Variants in CACNA1B observed in about 807,000 individuals in gnomAD.
CACNA1B encodes calcium voltage-gated channel subunit alpha1 B, also known as voltage-dependent N-type calcium channel subunit alpha-1B.
CACNA1B carries 70 observed loss-of-function variants against 247.2 expected under a neutral mutation model. The ratio of observed to expected loss-of-function variants is 0.28; its 90% CI spans 0.23 to 0.35. CACNA1B has a LOEUF of 0.35. Among genes scored for constraint, CACNA1B ranks in the 10% least tolerant of loss-of-function variants. The pLI is 1.00. For missense variants in CACNA1B, 2,367 were observed against 3,197.4 expected (o/e 0.74, Z 6.26); for synonymous variants, 1,231 against 1,294.4 (o/e 0.95, Z 1.05).
intron 36 of CACNA1B, among the ~76,000 whole-genome samples, chr9:138,087,087 A>G (rs1589120443): frequency 6.6e-6 from 1 of 151,378 alleles, no homozygotes. Context: ...GAAATTAAGA[A>G]GGCAGTTTTA....
rs1960161065 is a variant in CACNA1B at position 138,072,341 on chromosome 9, G to A, written c.4675-1147G>A. Among the ~76,000 whole-genome samples the A allele has an allele frequency of 6.6e-6, 1 of 152,228 alleles. No individual in the cohort carries two copies. Among genetic ancestry groups the A allele is most frequent in the African/African-American group, 2.4e-5 (1 of 41,464 alleles). On this transcript the variant is annotated intron_variant, in intron 32 of 46. Transcript: ENST00000371372. This position sits in a 1 kb window ranked among gnomAD's most constrained non-coding sequence, Gnocchi z 4.5. Reference sequence around the variant, plus strand: ...TGGGCCACTGTCCCTGGAAGGAAGAGTGAGGCCCACCCCTCCACTGACACC... The same window carrying A: ...TGGGCCACTGTCCCTGGAAGGAAGAATGAGGCCCACCCCTCCACTGACACC...
chr9:138,112,018 T>G (rs945456230), intron 39 of CACNA1B, among the ~76,000 whole-genome samples: 1 of 152,172 alleles, frequency 6.6e-6, no homozygotes, highest in Non-Finnish European at 1.5e-5. Context: ...TTTTGAGAGT[T>G]TTTTGGTAAA....
At chr9:137,995,928 G>C (rs974374614) in intron 15 of CACNA1B, among the ~76,000 whole-genome samples, 2 of 152,208 alleles carry the variant, frequency 1.3e-5, no homozygotes, top group Non-Finnish European at 2.9e-5. Context: ...TAACATCACT[G>C]TCAGGGGAAT....
At chr9:138,120,545 C>A in intron 45 of CACNA1B, 86 bp from the exon 46 acceptor site, 1 of 1,425,098 alleles carries the variant, frequency 7.0e-7, no homozygotes, top group Non-Finnish European at 9.3e-7. Flanking sequence ...CCCCTGGCAC[C>A]ACCTGAATTC....
In CACNA1B at chr9:138,057,666, C is replaced by T. The variant is rs1959561418; in HGVS notation, c.3969-66C>T. 2.0e-6 allele frequency: 3 copies of T among 1,512,054 alleles called. No individual in the cohort carries two copies. The highest frequency in any genetic ancestry group is 1.4e-5 in the African/African-American group (1 of 73,332). 93.7% of individuals were successfully genotyped at this position (1,512,054 alleles called of 1,614,324 possible). A position where few individuals can be genotyped will look rare whatever the true frequency, so the allele number is the denominator to read the frequency against. On this transcript the variant is annotated intron_variant, in intron 26 of 46. Coordinates refer to ENST00000371372, the MANE Select transcript of CACNA1B (RefSeq NM_000718.4). This position sits in a 1 kb window ranked among gnomAD's most constrained non-coding sequence, Gnocchi z 4.0. ...TTCCCCACGGAATGGTTTCAACACT[C>T]TTGATAGGTGGGTTTATTTGGATCT... is the stretch of plus-strand genomic sequence containing the variant.
chr9:137,878,980 C>G, intron 1 of CACNA1B, 74 bp from the exon 2 acceptor site: 1 of 913,712 alleles, frequency 1.1e-6, no homozygotes, highest in Non-Finnish European at 1.7e-6. Flanking sequence ...GTGGCTGCTG[C>G]ACTGGGCTCT....
rs1468877062 is a variant in CACNA1B at position 137,971,529 on chromosome 9, C to A, written c.1480C>A (p.Leu494Met). ...CTGGGTGGTGCTGTGCGTGGTGGCCCTGAACACACTGTGTGTGGCCATGGT... is the reference window on the plus strand; with the variant it reads ...CTGGGTGGTGCTGTGCGTGGTGGCCATGAACACACTGTGTGTGGCCATGGT... ...FYWVVLCVVALNTLCVAMVHY... is the reference protein window; with the variant it reads ...FYWVVLCVVAMNTLCVAMVHY... The change falls in exon 11 of 47, where the codon CTG (leucine) becomes ATG (methionine). Residue 494 changes from leucine to methionine, a missense_variant. By Grantham distance (15) the Leu-to-Met change is conservative. Coordinates refer to ENST00000371372, the MANE Select transcript of CACNA1B (RefSeq NM_000718.4). The surrounding 1 kb of genome is among the most constrained non-coding windows in gnomAD (Gnocchi z 4.4). 1.2e-6 allele frequency: 2 copies of A among 1,613,666 alleles called. No homozygotes were observed. The highest frequency in any genetic ancestry group is 1.7e-6 in the Non-Finnish European group (2 of 1,179,820).
chr9:138,102,745 C>T lies in CACNA1B; in HGVS notation c.5257C>T (p.Leu1753=). 6.2e-7 allele frequency: 1 copy of T among 1,612,974 alleles called. No homozygotes were observed. Reference sequence around the variant, plus strand: ...CAGTTACAATGACATGTTTGAGATGCTGAAACACATGTCCCCGCCTCTGGG... The same window carrying T: ...CAGTTACAATGACATGTTTGAGATGTTGAAACACATGTCCCCGCCTCTGGG... ...RISYNDMFEM[L]KHMSPPLGLG... The change falls in exon 38 of 47, where the codon CTG becomes TTG. Residue 1753 remains leucine, a synonymous_variant. Coordinates refer to ENST00000371372, the MANE Select transcript of CACNA1B (RefSeq NM_000718.4). This position sits in a 1 kb window ranked among gnomAD's most constrained non-coding sequence, Gnocchi z 5.4.
intron 39 of CACNA1B, 100 bp downstream of exon 39, chr9:138,105,907 G>A (rs1961408838): frequency 7.1e-6 from 5 of 708,994 alleles, no homozygotes; most frequent in South Asian, 4.9e-5. Context: ...GAGGGTGAGG[G>A]GCCAGCTGTG....
chr9:138,024,421 G>A (rs1409796648), intron 19 of CACNA1B, among the ~76,000 whole-genome samples: 2 of 152,326 alleles, frequency 1.3e-5, no homozygotes, highest in Admixed American at 6.5e-5. Flanking sequence ...GCCGCTGGAG[G>A]CCCCAGCCCA....
chr9:137,957,700 G>GC lies in CACNA1B; in HGVS notation c.1333+13_1333+14insC. The stretch of plus-strand genomic sequence containing the variant: ...CTCTGTGCTGTTGGTGAGTCTCAGG[G>GC]TGTCCCTCCAGCTCTGCCAGGCTTG... On this transcript the variant is annotated intron_variant, in intron 10 of 46. Transcript: ENST00000371372. This position sits in a 1 kb window ranked among gnomAD's most constrained non-coding sequence, Gnocchi z 4.7. The GC allele has an allele frequency of 1.9e-6, 3 of 1,561,272 alleles. No homozygotes were observed. The highest frequency in any genetic ancestry group is 2.6e-6 in the Non-Finnish European group (3 of 1,149,030).
Position 138,114,522 on chromosome 9 carries a change from CT to C in CACNA1B, c.5649+33del, listed in dbSNP as rs749010606. 4 of 1,118,262 alleles carry C rather than the reference CT, an allele frequency of 3.6e-6. No homozygotes were observed. In the African/African-American group the frequency reaches 6.1e-5, roughly 17 times the overall value. 69.3% of individuals were successfully genotyped at this position (1,118,262 alleles called of 1,614,324 possible). Reference sequence around the variant, plus strand: ...GGCGGCCCTCAGTTTTCCAGGAAAACTGTGATGCCTCCGAGGCTCTGGCATC... The same window carrying C: ...GGCGGCCCTCAGTTTTCCAGGAAAACGTGATGCCTCCGAGGCTCTGGCATC... On this transcript the variant is annotated intron_variant, in intron 41 of 46. Transcript: ENST00000371372.
At chr9:138,108,979 T>C (rs1352797678) in intron 39 of CACNA1B, among the ~76,000 whole-genome samples, 1 of 152,218 alleles carries the variant, frequency 6.6e-6, no homozygotes, top group East Asian at 1.9e-4. Flanking sequence ...AAAGATAATA[T>C]ATGATGACAC....
intron 5 of CACNA1B, among the ~76,000 whole-genome samples, chr9:137,915,204 C>A (rs902779864): frequency 6.6e-6 from 1 of 152,126 alleles, no homozygotes; most frequent in Non-Finnish European, 1.5e-5. Context: ...GCCTATGGTG[C>A]GGAGCAGCGA....
At chr9:137,903,210 C>T (rs1039435314) in intron 3 of CACNA1B, among the ~76,000 whole-genome samples, 5 of 152,066 alleles carry the variant, frequency 3.3e-5, no homozygotes, top group African/African-American at 7.2e-5. Context: ...GGTGAAACCC[C>T]GTCTCTACTA....
chr9:137,935,098 T>C (rs1293055734), intron 6 of CACNA1B, among the ~76,000 whole-genome samples: 1 of 152,172 alleles, frequency 6.6e-6, no homozygotes, highest in African/African-American at 2.4e-5. Context: ...AATGAGGGGA[T>C]AAATTTTCTT....
At chr9:137,992,315 G>A (rs1174204639) in intron 15 of CACNA1B, among the ~76,000 whole-genome samples, 2 of 152,192 alleles carry the variant, frequency 1.3e-5, no homozygotes, top group East Asian at 3.9e-4. Context: ...ACAGACTTTA[G>A]AGCAACAGCA....
rs62579506 is a variant in CACNA1B at position 138,123,307 on chromosome 9, C to G, written c.*1308C>G. On this transcript the variant is annotated 3_prime_UTR_variant, in exon 47 of 47. Coordinates refer to ENST00000371372, the MANE Select transcript of CACNA1B (RefSeq NM_000718.4). ...GAGGCCGGGCACCTGATGCCCAGCACTGTCCTGGCGCCAGACACAGGGAGC... is the reference window on the plus strand; with the variant it reads ...GAGGCCGGGCACCTGATGCCCAGCAGTGTCCTGGCGCCAGACACAGGGAGC... 6.6e-6 allele frequency: 1 copy of G among 152,376 alleles called. No individual in the cohort carries two copies. The highest frequency in any genetic ancestry group is 1.5e-5 in the Non-Finnish European group (1 of 68,136). The allele number at this position is 152,376 out of a possible 1,614,324, so 9.4% of individuals were successfully genotyped here.
intron 20 of CACNA1B, among the ~76,000 whole-genome samples, chr9:138,034,647 T>C (rs1959022014): frequency 6.6e-6 from 1 of 152,138 alleles, no homozygotes; most frequent in African/African-American, 2.4e-5. Flanking sequence ...CTAGGATATA[T>C]ATGAGGCATA....
Sources: allele counts gnomAD v4.1 joint callset (sites outside exome capture counted in the v4.1 genomes callset), GRCh38; gene constraint gnomAD v4.1.1; non-coding constraint Gnocchi (gnomAD v3.1); transcripts MANE v1.5; gene names NCBI Gene and HGNC (gene_info 2026-07-23, HGNC 2026-07-21).